Variants in OSMR observed in about 807,000 individuals in gnomAD.
The protein encoded by OSMR is oncostatin M receptor.
A neutral mutation model predicts 99.9 loss-of-function variants in OSMR; 81 were observed. The ratio of observed to expected loss-of-function variants is 0.81; its 90% confidence interval spans 0.68 to 0.97. The LOEUF (loss-of-function observed/expected upper bound fraction) is 0.97, where lower values mean the gene tolerates loss of function less well. Among genes scored for constraint, OSMR ranks in the 50% least tolerant of loss-of-function variants. The probability of loss-of-function intolerance (pLI) is 0.00; values close to 1 mark genes in which losing one functional copy is unlikely to be tolerated. For synonymous variants in OSMR, 406 were observed against 410.4 expected, an observed-to-expected ratio of 0.99 and a Z score of 0.13; for missense variants, 1,099 against 1,153.4, an observed-to-expected ratio of 0.95 and a Z score of 0.68.
In OSMR at chr5:38,885,362, G is replaced by C. The variant is rs372912584; in HGVS notation, c.717G>C (p.Glu239Asp). ...TTGTATGGACAGAAGTACTTGAGGA[G>C]CCCAAGGACTTTTCTTGTGAAACCG... ...IVLFVSKVLE[E>D]PKDFSCETED... The change falls in exon 6 of 18, where the codon GAG (glutamate) becomes GAC (aspartate). Residue 239 changes from glutamate to aspartate, a missense_variant. Coordinates refer to ENST00000274276, the MANE Select transcript of OSMR (RefSeq NM_003999.3). 5.1e-5 allele frequency: 82 copies of C among 1,613,722 alleles called. No individual in the cohort carries two copies. Among genetic ancestry groups the C allele is most frequent in the Non-Finnish European group, 6.7e-5 (79 of 1,179,826 alleles).
intron 1 of OSMR, among the ~76,000 whole-genome samples, chr5:38,942,570 C>T (rs1273435782): frequency 6.6e-6 from 1 of 150,760 alleles, no homozygotes; most frequent in Non-Finnish European, 1.5e-5. Flanking sequence ...CCCACCTCAG[C>T]CTCCCAAGTA....
intron 1 of OSMR, among the ~76,000 whole-genome samples, chr5:38,863,877 A>G (rs1326984676): frequency 6.6e-6 from 1 of 152,088 alleles, no homozygotes; most frequent in African/African-American, 2.4e-5. Context: ...TATTTTTTAG[A>G]TCTTCTTGCT....
intron 9 of OSMR, among the ~76,000 whole-genome samples, chr5:38,912,174 A>T (rs1470025527): frequency 6.6e-6 from 1 of 152,210 alleles, no homozygotes; most frequent in African/African-American, 2.4e-5. Context: ...AGAAAACCCC[A>T]TAGTCTCTGC....
In OSMR at chr5:38,911,102, C is replaced by G. The variant is rs867263263; in HGVS notation, c.1286-6444C>G. ...AGAAATAACCAAAATTAGAACTGAA[C>G]TGAAGGAAATTGAGATGCAAAAAAC... On this transcript the variant is annotated intron_variant, in intron 9 of 17. Transcript: ENST00000274276. Among the ~76,000 whole-genome samples the G allele has an allele frequency of 1.7e-4, 26 of 152,194 alleles. No homozygotes were observed. In the Middle Eastern group the frequency reaches 0.01, roughly 60 times the overall value.
At chr5:38,920,259 A>G (rs1276133990) in intron 11 of OSMR, among the ~76,000 whole-genome samples, 1 of 152,152 alleles carries the variant, frequency 6.6e-6, no homozygotes, top group African/African-American at 2.4e-5. Context: ...TTTCTACATC[A>G]CCAGCATGTA....
rs759064646 is a variant in OSMR, at chr5:38,921,799, G to A, written c.1765+5G>A. ...CAAGCACAGTCATTAGCACAGGTAA[G>A]AAGAAGCTTCCATATCATCGCATTG... On this transcript the variant is annotated splice_donor_5th_base_variant and intron_variant, in intron 12 of 17. Transcript: ENST00000274276. 1.9e-6 allele frequency: 3 copies of A among 1,610,594 alleles called. No homozygotes were observed. Among genetic ancestry groups the A allele is most frequent in the Non-Finnish European group, 2.5e-6 (3 of 1,176,832 alleles).
rs1037521074 is a variant in OSMR at position 38,920,179 on chromosome 5, C to T, written c.1585+1117C>T. Among the ~76,000 whole-genome samples, 5 of 152,226 alleles carry T rather than the reference C, an allele frequency of 3.3e-5. No homozygotes were observed. The East Asian group carries it at 5.8e-4, about 18-fold the overall frequency. The stretch of plus-strand genomic sequence containing the variant: ...GGTCTCCTACCACACCCTCCATCCC[C>T]GTGCCCTGCCTTCAGATGCCTAGAC... On this transcript the variant is annotated intron_variant, in intron 11 of 17. Transcript: ENST00000274276.
chr5:38,924,044 T>C (rs561083522), intron 13 of OSMR, among the ~76,000 whole-genome samples: 2 of 152,336 alleles, frequency 1.3e-5, no homozygotes, highest in East Asian at 3.9e-4. Context: ...TCTTCCTCAC[T>C]TTAGTAGGTT....
chr5:38,862,108 C>T (rs1194139377), intron 1 of OSMR, among the ~76,000 whole-genome samples: 2 of 112,626 alleles, frequency 1.8e-5, no homozygotes, highest in Admixed American at 8.3e-5. Flanking sequence ...GCTGACCCCC[C>T]ACCTCCCTCC....
downstream of OSMR, among the ~76,000 whole-genome samples, chr5:38,935,971 G>A (rs74703237): frequency 1.3e-5 from 2 of 152,062 alleles, no homozygotes; most frequent in Non-Finnish European, 2.9e-5. Flanking sequence ...TAAACATTTC[G>A]TCTCCAATGG....
At chr5:38,901,491 T>G (rs1744887806) in intron 7 of OSMR, among the ~76,000 whole-genome samples, 1 of 152,206 alleles carries the variant, frequency 6.6e-6, no homozygotes, top group Non-Finnish European at 1.5e-5. Flanking sequence ...CAAGTAAGAA[T>G]GGGCATTTCA....
intron 7 of OSMR, among the ~76,000 whole-genome samples, chr5:38,891,240 A>G (rs146753920): frequency 6.6e-6 from 1 of 152,198 alleles, no homozygotes; most frequent in Non-Finnish European, 1.5e-5. Context: ...AGAATATTAA[A>G]TCAGGTGTGC....
At chr5:38,848,927 C>T (rs902640169) in intron 1 of OSMR, among the ~76,000 whole-genome samples, 1 of 148,222 alleles carries the variant, frequency 6.7e-6, no homozygotes, top group African/African-American at 2.5e-5. Flanking sequence ...GCACATGACA[C>T]CACACCTGAC....
At chr5:38,861,534 C>T (rs371472155) in intron 1 of OSMR, among the ~76,000 whole-genome samples, 47 of 152,334 alleles carry the variant, frequency 3.1e-4, no homozygotes, top group African/African-American at 7.0e-4. Flanking sequence ...ACACAGACAC[C>T]GCAACCATCC....
At chr5:38,872,836 C>G (rs546503673) in intron 2 of OSMR, among the ~76,000 whole-genome samples, 1 of 151,854 alleles carries the variant, frequency 6.6e-6, no homozygotes. Context: ...TTTTAAAAAG[C>G]GCATGGGAAA....
chr5:38,936,545 T>TCAAA (rs1030330254), downstream of OSMR, among the ~76,000 whole-genome samples: 18 of 152,264 alleles, frequency 1.2e-4, no homozygotes, highest in African/African-American at 3.9e-4. Flanking sequence ...CTTCCTACAT[T>TCAAA]CAAACACCTA....
chr5:38,866,626 G>C (rs1385620733), intron 1 of OSMR, among the ~76,000 whole-genome samples: 1 of 152,036 alleles, frequency 6.6e-6, no homozygotes, highest in East Asian at 1.9e-4. Flanking sequence ...TGTCCGCAGG[G>C]CTGCAGGAAT....
At position 38,904,020 on chromosome 5, in the gene OSMR, T is replaced by C; in HGVS notation, c.1130T>C (p.Met377Thr). Residue 377 changes from methionine to threonine, a missense_variant, in exon 8 of 18, where the codon ATG becomes ACG. By Grantham distance (81) the Met-to-Thr change is moderately conservative (BLOSUM62 -1). Transcript: ENST00000274276. ...QIELHGEGKM[M>T]QYNVSIKVNG... ...GAACTCCATGGTGAAGGAAAAATGA[T>C]GCAAGTAAGAACCCTGCTTAATTTT... 1 of 1,614,080 alleles carries C rather than the reference T, an allele frequency of 6.2e-7. No homozygotes were observed. Among genetic ancestry groups the C allele is most frequent in the South Asian group, 1.1e-5 (1 of 91,070 alleles).
chr5:38,928,510 G>T (rs1005407098), intron 15 of OSMR, among the ~76,000 whole-genome samples: 4 of 152,086 alleles, frequency 2.6e-5, no homozygotes, highest in African/African-American at 9.7e-5. Context: ...GAGAAGTGCC[G>T]AGCAAAGGGG....
Sources: gnomAD v4.1 joint callset for allele counts (sites outside exome capture counted in the v4.1 genomes callset) on GRCh38, gnomAD v4.1.1 for gene constraint, MANE v1.5 for transcripts, NCBI Gene and HGNC (gene_info 2026-07-23, HGNC 2026-07-21) for gene names.